Variants in NCAM2 observed in about 807,000 individuals in gnomAD.
The protein encoded by NCAM2 is N-CAM-2.
NCAM2 carries 30 observed loss-of-function variants against 98.1 expected under a neutral mutation model. That is an observed-to-expected ratio of 0.31 (90% CI 0.23 to 0.41). The LOEUF is 0.41. NCAM2 is among the 10% of genes least tolerant of loss of function. NCAM2 has a pLI of 1.00. For synonymous variants in NCAM2, 368 were observed against 342.4 expected, an observed-to-expected ratio of 1.07 and a Z score of -0.83; for missense variants, 867 against 1,005.8, an observed-to-expected ratio of 0.86 and a Z score of 1.87.
At chr21:21,395,516 A>C (rs1280612090) in intron 9 of NCAM2, among the ~76,000 whole-genome samples, 1 of 152,182 alleles carries the variant, frequency 6.6e-6, no homozygotes, top group Non-Finnish European at 1.5e-5. Context: ...ATTAGAAAAA[A>C]TAATTCTAAA....
intron 1 of NCAM2, among the ~76,000 whole-genome samples, chr21:21,199,990 C>T (rs773980251): frequency 9.9e-5 from 15 of 151,982 alleles, no homozygotes; most frequent in African/African-American, 2.2e-4. Context: ...TGCATGTTAA[C>T]GCAAGATAAT....
At chr21:21,042,994 C>T (rs1426183098) in intron 1 of NCAM2, among the ~76,000 whole-genome samples, 1 of 152,120 alleles carries the variant, frequency 6.6e-6, no homozygotes, top group Non-Finnish European at 1.5e-5. Context: ...ATATAACTTA[C>T]TCAAGCATTT....
intron 15 of NCAM2, among the ~76,000 whole-genome samples, chr21:21,481,929 C>G (rs558524696): frequency 6.6e-6 from 1 of 152,218 alleles, no homozygotes; most frequent in African/African-American, 2.4e-5. Context: ...GAAACCCTGT[C>G]TCTTCTAAAA....
At chr21:21,045,753 A>G (rs945737203) in intron 1 of NCAM2, among the ~76,000 whole-genome samples, 2 of 152,230 alleles carry the variant, frequency 1.3e-5, no homozygotes, top group Admixed American at 6.5e-5. Flanking sequence ...TTTAAATGGG[A>G]AATAATTATC....
chr21:21,227,703 C>A (rs2070444439), intron 1 of NCAM2, among the ~76,000 whole-genome samples: 1 of 151,668 alleles, frequency 6.6e-6, no homozygotes, highest in Admixed American at 6.6e-5. Context: ...GTATTAATTT[C>A]TTGTTAGCAT....
chr21:21,504,893 T>A (rs1032747009), intron 15 of NCAM2, among the ~76,000 whole-genome samples: 8 of 151,818 alleles, frequency 5.3e-5, no homozygotes, highest in African/African-American at 1.9e-4. Flanking sequence ...TTAGGGAAAA[T>A]GGTGTATCCA....
intron 11 of NCAM2, among the ~76,000 whole-genome samples, chr21:21,424,145 G>T (rs1405697820): frequency 6.6e-6 from 1 of 152,096 alleles, no homozygotes; most frequent in Non-Finnish European, 1.5e-5. Context: ...AACTCATTAA[G>T]CAAACAGTGA....
intron 8 of NCAM2, among the ~76,000 whole-genome samples, chr21:21,349,114 A>C (rs1435263210): frequency 6.6e-6 from 1 of 152,190 alleles, no homozygotes; most frequent in African/African-American, 2.4e-5. Context: ...AGCCTTCTGC[A>C]CATCAAAGGT....
chr21:21,212,244 G>C (rs2069685090), intron 1 of NCAM2, among the ~76,000 whole-genome samples: 1 of 152,030 alleles, frequency 6.6e-6, no homozygotes, highest in Non-Finnish European at 1.5e-5. Flanking sequence ...AACTAAACTT[G>C]GAACAATTTG....
At chr21:21,249,883 C>T (rs1043382263) in intron 1 of NCAM2, among the ~76,000 whole-genome samples, 3 of 152,062 alleles carry the variant, frequency 2.0e-5, no homozygotes, top group African/African-American at 7.2e-5. Context: ...AATATGACGT[C>T]TGATTTAGCA....
intron 1 of NCAM2, among the ~76,000 whole-genome samples, chr21:21,185,026 A>T (rs2051266): frequency 8.6e-4 from 131 of 152,276 alleles, no homozygotes; most frequent in Non-Finnish European, 1.7e-3. Context: ...TATTTTCAGT[A>T]GGATGAGAGT....
intron 1 of NCAM2, among the ~76,000 whole-genome samples, chr21:21,126,044 C>T (rs2066814277): frequency 6.6e-6 from 1 of 151,656 alleles, no homozygotes; most frequent in South Asian, 2.1e-4. Context: ...GTTTGTCTAA[C>T]ACGCGCATGA....
intron 1 of NCAM2, among the ~76,000 whole-genome samples, chr21:21,039,590 T>TA (rs1367332654): frequency 1.3e-5 from 2 of 152,176 alleles, no homozygotes; most frequent in Non-Finnish European, 2.9e-5. Flanking sequence ...TTTGTATCAG[T>TA]AAAAAATGTA....
chr21:21,424,895 G>T (rs193132666), intron 11 of NCAM2, among the ~76,000 whole-genome samples: 3 of 151,616 alleles, frequency 2.0e-5, no homozygotes, highest in Non-Finnish European at 2.9e-5. Context: ...TATTAGCCGG[G>T]TGTGGTGATG....
At chr21:21,231,269 A>G (rs1433811020) in intron 1 of NCAM2, among the ~76,000 whole-genome samples, 1 of 151,324 alleles carries the variant, frequency 6.6e-6, no homozygotes, top group African/African-American at 2.4e-5. Flanking sequence ...CATCCAAAAT[A>G]TTACCTAATA....
rs569977335 is a variant in NCAM2 at position 21,071,470 on chromosome 21, TA to T, written c.55+72861del. Among the ~76,000 whole-genome samples, 491 of 150,786 alleles carry T rather than the reference TA, an allele frequency of 3.3e-3. 7 individuals carry two copies. The highest frequency in any genetic ancestry group is 0.011 in the African/African-American group (469 of 41,164). On this transcript the variant is annotated intron_variant, in intron 1 of 17. Coordinates refer to ENST00000400546, the MANE Select transcript of NCAM2 (RefSeq NM_004540.5). ...CAAGTCCAGAGTGCAGAGCTCAAGC[TA>T]AAAAAAAAGCATTTGATTTTGTGTT...
intron 3 of NCAM2, among the ~76,000 whole-genome samples, chr21:21,285,693 A>C (rs950058277): frequency 2.6e-5 from 4 of 151,960 alleles, no homozygotes; most frequent in South Asian, 2.1e-4. Context: ...TTCATTCATT[A>C]AAGACACTTA....
At chr21:21,371,996 G>T (rs1423021920) in intron 8 of NCAM2, among the ~76,000 whole-genome samples, 1 of 151,678 alleles carries the variant, frequency 6.6e-6, no homozygotes, top group Non-Finnish European at 1.5e-5. Flanking sequence ...TGACACAGTA[G>T]AAAGAATAGA....
At chr21:21,015,409 C>G (rs2064287108) in intron 1 of NCAM2, among the ~76,000 whole-genome samples, 1 of 152,152 alleles carries the variant, frequency 6.6e-6, no homozygotes, top group African/African-American at 2.4e-5. Flanking sequence ...CAGGAAGTAA[C>G]CATTTACATG....
Sources: gnomAD v4.1 joint callset for allele counts (sites outside exome capture counted in the v4.1 genomes callset) on GRCh38, gnomAD v4.1.1 for gene constraint, MANE v1.5 for transcripts, NCBI Gene and HGNC (gene_info 2026-07-23, HGNC 2026-07-21) for gene names.